The following PCDHA7 variants were observed in gnomAD, a reference collection of about 807,000 sequenced individuals.
PCDHA7 encodes protocadherin alpha-7.
Under a neutral mutation model 57.2 loss-of-function variants are expected in PCDHA7, and 37 were observed. That is an observed-to-expected ratio of 0.65 (90% CI 0.50 to 0.85). The LOEUF (loss-of-function observed/expected upper bound fraction) is 0.85. PCDHA7 is among the 40% of genes least tolerant of loss of function. The pLI, the probability that PCDHA7 is intolerant of heterozygous loss-of-function variation, is 0.00. For missense variants in PCDHA7, 1,188 were observed against 1,241.8 expected, an observed-to-expected ratio of 0.96 and a Z score of 0.65; for synonymous variants, 553 against 558.8, an observed-to-expected ratio of 0.99 and a Z score of 0.15.
At position 140,843,977 on chromosome 5, in the gene PCDHA7, C is replaced by A. The variant is rs1357233460; in HGVS notation, c.2355+7239C>A. Reference sequence around the variant, plus strand: ...TTTACTGAATATTTATTTTGGCCTGCCTTACAGCCGTCTTCTCTGAACAAT... The same window carrying A: ...TTTACTGAATATTTATTTTGGCCTGACTTACAGCCGTCTTCTCTGAACAAT... On this transcript the variant is annotated intron_variant, in intron 1 of 3. Transcript: ENST00000525929. Among the ~76,000 whole-genome samples the A allele has an allele frequency of 1.3e-5, 2 of 149,352 alleles. 1 individual carries two copies.
intron 1 of PCDHA7, among the ~76,000 whole-genome samples, chr5:140,873,360 T>C (rs1271954811): frequency 6.6e-6 from 1 of 152,170 alleles, no homozygotes; most frequent in African/African-American, 2.4e-5. Flanking sequence ...ATTTTTGGAA[T>C]AACTGAAGAT....
At chr5:140,938,209 G>A (rs1210350140) in intron 1 of PCDHA7, among the ~76,000 whole-genome samples, 3 of 152,160 alleles carry the variant, frequency 2.0e-5, no homozygotes, top group Admixed American at 6.5e-5. Flanking sequence ...GCCTCCCAAA[G>A]TGCTGGGATT....
At chr5:140,927,946 G>T (rs1341193072) in intron 1 of PCDHA7, 1 of 1,614,096 alleles carries the variant, frequency 6.2e-7, no homozygotes, top group African/African-American at 1.3e-5. Context: ...AGTACCTGAG[G>T]ACGCTGCCCC....
In PCDHA7 at chr5:140,834,559, T is replaced by A; in HGVS notation, c.176T>A (p.Leu59Gln). Residue 59 changes from leucine (L) to glutamine (Q), a missense_variant, in exon 1 of 4, where the codon CTG (leucine) becomes CAG (glutamine). Leu to Gln is a moderately radical substitution (Grantham distance 113, BLOSUM62 -2). Coordinates refer to ENST00000525929, the MANE Select transcript of PCDHA7 (RefSeq NM_018910.3). ...GACCTGGGGCTGGAGCTGGCGGAGC[T>A]GGTGCCGCGCCTGTTCCGGGCGGTG... ...AQDLGLELAE[L>Q]VPRLFRAVCK... is the part of the protein sequence containing the mutation. 2 of 1,614,090 alleles carry A rather than the reference T, an allele frequency of 1.2e-6. No homozygotes were observed. The highest frequency in any genetic ancestry group is 1.7e-4 in the Middle Eastern group (1 of 5,984).
intron 1 of PCDHA7, among the ~76,000 whole-genome samples, chr5:140,941,595 A>G (rs1273931279): frequency 6.6e-6 from 1 of 152,016 alleles, no homozygotes; most frequent in Non-Finnish European, 1.5e-5. Context: ...GATTACAGCC[A>G]TGAGCCATGG....
At chr5:140,919,713 G>C (rs1370532221) in intron 1 of PCDHA7, among the ~76,000 whole-genome samples, 1 of 152,096 alleles carries the variant, frequency 6.6e-6, no homozygotes, top group African/African-American at 2.4e-5. Context: ...ATTCTAGTGA[G>C]ATATAAATAT....
At chr5:140,999,263 A>G (rs566864160) in intron 3 of PCDHA7, among the ~76,000 whole-genome samples, 3 of 152,346 alleles carry the variant, frequency 2.0e-5, no homozygotes, top group East Asian at 1.9e-4. Context: ...TAGTAAAGGA[A>G]TACTGCATAG....
At chr5:140,973,328 C>T (rs1315251124) in intron 1 of PCDHA7, among the ~76,000 whole-genome samples, 1 of 152,114 alleles carries the variant, frequency 6.6e-6, no homozygotes, top group Non-Finnish European at 1.5e-5. Flanking sequence ...AGTTTACACT[C>T]GTTGTAAAGT....
At chr5:140,883,760 C>T (rs199864330) in intron 1 of PCDHA7, 18 of 1,612,790 alleles carry the variant, frequency 1.1e-5, no homozygotes, top group Non-Finnish European at 1.4e-5. Context: ...GGTGGAGCGG[C>T]GGGTGGGCGA....
rs1772976539 is a variant in PCDHA7, at chr5:140,834,417, C to G, written c.34C>G (p.Arg12Gly). ...CCCGAATGGATACGACCCAGGGGGC[C>G]GACATCTACTGCTGTTTATTATAAT... ...VCPNGYDPGGRHLLLFIIILA... is the reference protein window; with the variant it reads ...VCPNGYDPGGGHLLLFIIILA... The change falls in exon 1 of 4, where the codon CGA (arginine) becomes GGA (glycine). Residue 12 changes from arginine to glycine, a missense_variant. Arg to Gly is a moderately radical substitution (Grantham distance 125). Around this residue, in one of 3 missense-constraint regions of PCDHA7, gnomAD observed 194 missense variants for 185.8 expected, o/e 1.04. Transcript: ENST00000525929. 6.2e-7 allele frequency: 1 copy of G among 1,611,544 alleles called. No individual in the cohort carries two copies. Among genetic ancestry groups the G allele is most frequent in the Non-Finnish European group, 8.5e-7 (1 of 1,178,384 alleles).
In PCDHA7 at chr5:141,010,472, A is replaced by G. The variant is rs2098417397; in HGVS notation, c.*535A>G. ...AGCGGAAGTTATCAGTATGGAGGGG[A>G]AGTGTAAACTTAAAGGGACCAGACT... On this transcript the variant is annotated 3_prime_UTR_variant, in exon 4 of 4. Transcript: ENST00000525929. The G allele has an allele frequency of 1.3e-6, 1 of 762,088 alleles. No homozygotes were observed. Among genetic ancestry groups the G allele is most frequent in the African/African-American group, 1.8e-5 (1 of 56,688 alleles). 47.2% of individuals were successfully genotyped at this position (762,088 alleles called of 1,614,324 possible).
chr5:140,875,771 C>T lies in PCDHA7; in HGVS notation c.2355+39033C>T, dbSNP rs182160950. 7,595 of 1,614,196 alleles carry T rather than the reference C, an allele frequency of 4.7e-3. 28 individuals carry two copies. Among genetic ancestry groups the T allele is most frequent in the Middle Eastern group, 6.4e-3 (39 of 6,062 alleles). ...CGCGAGAAGCTGTGCGGGCGGAGCG[C>T]GGAGTGCAGTATCCACCTGGAGGTG... On this transcript the variant is annotated intron_variant, in intron 1 of 3. Transcript: ENST00000525929.
At chr5:140,877,736 G>A (rs979836328) in intron 1 of PCDHA7, 22 of 1,614,170 alleles carry the variant, frequency 1.4e-5, no homozygotes, top group East Asian at 2.2e-5. Flanking sequence ...CAGCAGAGGA[G>A]GCAGAGGGTG....
chr5:140,874,359 G>T (rs1456899858), intron 1 of PCDHA7, among the ~76,000 whole-genome samples: 1 of 152,176 alleles, frequency 6.6e-6, no homozygotes, highest in East Asian at 1.9e-4. Context: ...TTGAATTAAT[G>T]AATAAACTCA....
At chr5:140,857,792 C>A (rs368399538) in intron 1 of PCDHA7, 3 of 1,597,430 alleles carry the variant, frequency 1.9e-6, no homozygotes, top group Non-Finnish European at 1.7e-6. Flanking sequence ...GCTGGTGCTG[C>A]GGTCGGTGGT....
At chr5:140,898,597 G>C (rs1452719602) in intron 1 of PCDHA7, among the ~76,000 whole-genome samples, 12 of 152,188 alleles carry the variant, frequency 7.9e-5, no homozygotes, top group Admixed American at 1.3e-4. Context: ...CTGTAGCCTT[G>C]TAGTATAGTT....
At chr5:140,904,436 T>C (rs1554191522) in intron 1 of PCDHA7, among the ~76,000 whole-genome samples, 1 of 151,240 alleles carries the variant, frequency 6.6e-6, no homozygotes, top group Admixed American at 6.6e-5. Flanking sequence ...TATATATGTA[T>C]ATTACAATTT....
At chr5:140,898,408 G>A (rs1189859035) in intron 1 of PCDHA7, among the ~76,000 whole-genome samples, 7 of 152,096 alleles carry the variant, frequency 4.6e-5, no homozygotes, top group African/African-American at 9.7e-5. Flanking sequence ...TTCTACATAC[G>A]GCTAGCCAGT....
chr5:140,932,875 T>G (rs935730456), intron 1 of PCDHA7, among the ~76,000 whole-genome samples: 9 of 151,998 alleles, frequency 5.9e-5, no homozygotes, highest in African/African-American at 1.7e-4. Flanking sequence ...TTTGTTGTCT[T>G]CAATATTTTC....
Sources: allele counts gnomAD v4.1 joint callset (sites outside exome capture counted in the v4.1 genomes callset), GRCh38; gene constraint gnomAD v4.1.1; regional missense constraint gnomAD v4.1.1; transcripts MANE v1.5; gene names NCBI Gene and HGNC (gene_info 2026-07-23, HGNC 2026-07-21).